The following KCNG3 variants were observed in gnomAD, a reference collection of about 807,000 sequenced individuals.
KCNG3 encodes potassium voltage-gated channel modifier subfamily G member 3.
KCNG3 carries 15 observed loss-of-function variants against 29.0 expected under a neutral mutation model. The observed-to-expected ratio is 0.52, with a 90% CI of 0.35 to 0.80. KCNG3 has a LOEUF of 0.80. KCNG3 is among the 30% of genes least tolerant of loss of function. The pLI, the probability that KCNG3 is intolerant of heterozygous loss-of-function variation, is 0.01. For synonymous variants in KCNG3, 322 were observed against 248.9 expected, an observed-to-expected ratio of 1.29 and a Z score of -2.76; for missense variants, 512 against 605.7, an observed-to-expected ratio of 0.85 and a Z score of 1.62.
At chr2:42,406,908 T>C in the KCNG3 span, among the ~76,000 whole-genome samples, 1 of 151,994 alleles carries the variant, frequency 6.6e-6, no homozygotes, top group Non-Finnish European at 1.5e-5. Flanking sequence ...TGTTGGTTCC[T>C]AATTTTATGG....
intron 1 of KCNG3, among the ~76,000 whole-genome samples, chr2:42,448,276 C>A (rs191967314): frequency 9.2e-5 from 14 of 152,224 alleles, no homozygotes; most frequent in Admixed American, 7.9e-4. Context: ...AGAGCCTTTG[C>A]CTGTAAATTT....
At chr2:42,425,018 G>C in the KCNG3 span, 1 of 152,300 alleles carries the variant, frequency 6.6e-6, no homozygotes, top group East Asian at 1.9e-4. Flanking sequence ...CAGGACAAGG[G>C]CCTCTGTCCT....
the KCNG3 span, among the ~76,000 whole-genome samples, chr2:42,394,190 C>A: frequency 1.3e-5 from 2 of 152,186 alleles, no homozygotes; most frequent in African/African-American, 4.8e-5. Context: ...AGAACTGGGT[C>A]ACATGACCAT....
intron 1 of KCNG3, among the ~76,000 whole-genome samples, chr2:42,458,456 A>G (rs1672931646): frequency 6.6e-6 from 1 of 152,186 alleles, no homozygotes; most frequent in South Asian, 2.1e-4. Flanking sequence ...GGAAACAGGG[A>G]CTGATGACCC....
chr2:42,441,794 G>GTATGTAGAAAATATATATCTATAAA (rs1672491955), downstream of KCNG3, among the ~76,000 whole-genome samples: 1 of 17,816 alleles, frequency 5.6e-5, no homozygotes. Context: ...ATATATATAG[G>GTATGTAGAAAATATATATCTATAAA]TGTGTGTGTA....
chr2:42,436,248 G>GTAGTGACTGCTA, the KCNG3 span, among the ~76,000 whole-genome samples: 4 of 152,096 alleles, frequency 2.6e-5, no homozygotes, highest in Non-Finnish European at 5.9e-5. Context: ...GTGGAAATGG[G>GTAGTGACTGCTA]TAGTGACTGC....
chr2:42,461,182 C>CAAAAAAA (rs34199989), intron 1 of KCNG3, among the ~76,000 whole-genome samples: 200 of 56,218 alleles, frequency 3.6e-3, no homozygotes, highest in East Asian at 0.011. Flanking sequence ...CAAAACAAAA[C>CAAAAAAA]AAAAAAAAAA....
Position 42,475,005 on chromosome 2 carries a change from CATT to C in KCNG3, c.665+17829_665+17831del, listed in dbSNP as rs1394866917. On this transcript the variant is annotated intron_variant, in intron 1 of 1. Coordinates refer to ENST00000306078, the MANE Select transcript of KCNG3 (RefSeq NM_133329.6). Reference sequence around the variant, plus strand: ...GCTACCTTATTTCCTGTCTTCTCATCATTGTGTCCTTAGCACACAGTACACAGG... The same window carrying C: ...GCTACCTTATTTCCTGTCTTCTCATCGTGTCCTTAGCACACAGTACACAGG... Among the ~76,000 whole-genome samples, 8 of 152,280 alleles carry C rather than the reference CATT, an allele frequency of 5.3e-5. No individual in the cohort carries two copies. The East Asian group carries it at 1.5e-3, about 29-fold the overall frequency.
chr2:42,429,626 T>G, the KCNG3 span, among the ~76,000 whole-genome samples: 1 of 152,184 alleles, frequency 6.6e-6, no homozygotes, highest in Non-Finnish European at 1.5e-5. Flanking sequence ...GGATGGCACT[T>G]CCAACACTTC....
At chr2:42,439,943 A>C (rs974432894), downstream of KCNG3, among the ~76,000 whole-genome samples, 1 of 152,166 alleles carries the variant, frequency 6.6e-6, no homozygotes. Flanking sequence ...ATGCCTGGCC[A>C]AGAAAATATT....
At chr2:42,411,025 A>G in the KCNG3 span, among the ~76,000 whole-genome samples, 2 of 152,300 alleles carry the variant, frequency 1.3e-5, no homozygotes, top group East Asian at 1.9e-4. Context: ...GACTGTTTCA[A>G]TACAATTTAT....
chr2:42,454,435 G>A (rs1672831418), intron 1 of KCNG3, among the ~76,000 whole-genome samples: 1 of 152,178 alleles, frequency 6.6e-6, no homozygotes. Context: ...AATATAGCTG[G>A]GCATGGTGGC....
chr2:42,455,311 C>T (rs1672852647), intron 1 of KCNG3, among the ~76,000 whole-genome samples: 1 of 152,012 alleles, frequency 6.6e-6, no homozygotes, highest in South Asian at 2.1e-4. Flanking sequence ...AATGGAAAAA[C>T]AAAAACAAAA....
Position 42,443,896 on chromosome 2 carries a change from T to C in KCNG3, c.*38A>G, listed in dbSNP as rs375604250. 1.2e-5 allele frequency: 19 copies of C among 1,550,046 alleles called. No homozygotes were observed. Among genetic ancestry groups the C allele is most frequent in the Middle Eastern group, 1.7e-4 (1 of 5,802 alleles). On this transcript the variant is annotated 3_prime_UTR_variant, in exon 2 of 2. Coordinates refer to ENST00000306078, the MANE Select transcript of KCNG3 (RefSeq NM_133329.6). ...ATAAATATGAAGCAGCATCAAAGTC[T>C]TTCTATGAAGTGTATGCAAGAATTG...
the KCNG3 span, among the ~76,000 whole-genome samples, chr2:42,417,862 C>T: frequency 6.6e-6 from 1 of 151,924 alleles, no homozygotes; most frequent in Admixed American, 6.6e-5. Flanking sequence ...GTCCCAGCTA[C>T]TTGGGAGGCT....
the KCNG3 span, among the ~76,000 whole-genome samples, chr2:42,410,415 T>C: frequency 6.6e-6 from 1 of 152,146 alleles, no homozygotes; most frequent in African/African-American, 2.4e-5. Context: ...CAATTTATAA[T>C]CCCATCCACT....
chr2:42,429,022 G>A, the KCNG3 span, among the ~76,000 whole-genome samples: 4 of 152,236 alleles, frequency 2.6e-5, no homozygotes, highest in African/African-American at 4.8e-5. Flanking sequence ...GGGAGGCTGA[G>A]GGAGGAGGAT....
chr2:42,492,476 G>T (rs183606747), intron 1 of KCNG3, among the ~76,000 whole-genome samples: 1 of 152,194 alleles, frequency 6.6e-6, no homozygotes, highest in Non-Finnish European at 1.5e-5. Flanking sequence ...TTAGTTCAAG[G>T]CTTAATTGTT....
chr2:42,395,428 G>A, the KCNG3 span, among the ~76,000 whole-genome samples: 6 of 152,166 alleles, frequency 3.9e-5, no homozygotes, highest in South Asian at 2.1e-4. Context: ...GGGGCCAGGC[G>A]CGGTGGCTCA....
Sources: allele counts gnomAD v4.1 joint callset (sites outside exome capture counted in the v4.1 genomes callset), GRCh38; gene constraint gnomAD v4.1.1; transcripts MANE v1.5; gene names NCBI Gene and HGNC (gene_info 2026-07-23, HGNC 2026-07-21).